The following MSH4 variants were observed in gnomAD, a reference collection of about 807,000 sequenced individuals.
The protein encoded by MSH4 is mutS homolog 4.
Under a neutral mutation model 113.7 loss-of-function variants are expected in MSH4, and 106 were observed. The observed-to-expected ratio is 0.93, with a 90% CI of 0.80 to 1.10. The LOEUF (loss-of-function observed/expected upper bound fraction) is 1.10. Among genes scored for constraint, MSH4 ranks in the 50% least tolerant of loss-of-function variants. The probability of loss-of-function intolerance (pLI) is 0.00; values close to 1 mark genes in which losing one functional copy is unlikely to be tolerated. For missense variants in MSH4, 1,061 were observed against 1,093.7 expected (o/e 0.97, Z 0.42); for synonymous variants, 368 against 380.2 (o/e 0.97, Z 0.37).
rs139042009 is a variant in MSH4, at chr1:75,842,906, C to T, written c.1163-5303C>T. 2.9e-3 allele frequency among the ~76,000 whole-genome samples: 446 copies of T among 151,520 alleles called. 1 individual carries two copies. The highest frequency in any genetic ancestry group is 0.01 in the African/African-American group (427 of 41,286). On this transcript the variant is annotated intron_variant, in intron 7 of 19. Coordinates refer to ENST00000263187, the MANE Select transcript of MSH4 (RefSeq NM_002440.4). ...TTAGTCAGGCTCGTCCACAGTTATC[C>T]GGAGGCCTAACAGTCTCACTGTGAT...
chr1:75,910,730 T>G (rs1652771195), intron 19 of MSH4, among the ~76,000 whole-genome samples: 1 of 152,130 alleles, frequency 6.6e-6, no homozygotes, highest in Non-Finnish European at 1.5e-5. Flanking sequence ...TATATTTTTC[T>G]CCATATTTCT....
rs1651278287 is a variant in MSH4, at chr1:75,854,702, T to C, written c.1230+6426T>C. Among the ~76,000 whole-genome samples the C allele has an allele frequency of 2.0e-5, 3 of 152,188 alleles. No individual in the cohort carries two copies. In the South Asian group the frequency reaches 6.2e-4, roughly 32 times the overall value. ...TATTAAAATGATTTTTCAGTATATA[T>C]GGAGGGTTCTTCACTTTATTTTTGA... is the stretch of plus-strand genomic sequence containing the variant. On this transcript the variant is annotated intron_variant, in intron 8 of 19. Coordinates refer to ENST00000263187, the MANE Select transcript of MSH4 (RefSeq NM_002440.4).
chr1:75,798,150 CAG>C (rs1293941704), intron 1 of MSH4, among the ~76,000 whole-genome samples: 2 of 152,132 alleles, frequency 1.3e-5, no homozygotes, highest in Admixed American at 6.5e-5. Flanking sequence ...TTTTTAGAAA[CAG>C]AGTCTCGCTA....
intron 1 of MSH4, among the ~76,000 whole-genome samples, chr1:75,803,245 G>T (rs1414149582): frequency 6.6e-6 from 1 of 152,126 alleles, no homozygotes; most frequent in East Asian, 1.9e-4. Flanking sequence ...GCATATTTTT[G>T]TATATTTATC....
At position 75,899,674 on chromosome 1, in the gene MSH4, G is replaced by T. The variant is rs867886425; in HGVS notation, c.2587G>T (p.Glu863Ter). 6.6e-7 allele frequency: 1 copy of T among 1,508,672 alleles called. No homozygotes were observed. Among genetic ancestry groups the T allele is most frequent in the East Asian group, 2.6e-5 (1 of 38,406 alleles). 93.5% of individuals were successfully genotyped at this position (1,508,672 alleles called of 1,614,324 possible). A position where few individuals can be genotyped will look rare whatever the true frequency, so the allele number is the denominator to read the frequency against. The change falls in exon 19 of 20, where the codon GAA (glutamate) becomes TAA (stop). Residue 863 changes from glutamate (E) to a stop codon, truncating the protein, a stop_gained. Coordinates refer to ENST00000263187, the MANE Select transcript of MSH4 (RefSeq NM_002440.4). LOFTEE classifies it high-confidence loss of function. ...ACCATCAATTGTCTTGGATGCCAAGGAAATCACAACTCAAATTACGAGACA... is the reference window on the plus strand; with the variant it reads ...ACCATCAATTGTCTTGGATGCCAAGTAAATCACAACTCAAATTACGAGACA... ...LPPSIVLDAK[E>*]ITTQITRQIL... is the part of the protein sequence containing the mutation.
At chr1:75,900,775 C>A (rs538952393) in intron 19 of MSH4, among the ~76,000 whole-genome samples, 1 of 151,996 alleles carries the variant, frequency 6.6e-6, no homozygotes, top group African/African-American at 2.4e-5. Context: ...CTTCACTTGC[C>A]TAATTATCTA....
intron 8 of MSH4, among the ~76,000 whole-genome samples, chr1:75,850,912 C>G (rs1404430888): frequency 6.6e-6 from 1 of 152,014 alleles, no homozygotes; most frequent in African/African-American, 2.4e-5. Context: ...ATAAATTGAG[C>G]CTGTTGTCAT....
At chr1:75,904,816 A>G (rs1303709569) in intron 19 of MSH4, among the ~76,000 whole-genome samples, 1 of 152,036 alleles carries the variant, frequency 6.6e-6, no homozygotes, top group Non-Finnish European at 1.5e-5. Context: ...TTCATGCTTC[A>G]ATCTTGGTAA....
intron 8 of MSH4, among the ~76,000 whole-genome samples, chr1:75,860,880 C>T (rs1651441092): frequency 1.3e-5 from 2 of 152,206 alleles, no homozygotes; most frequent in Non-Finnish European, 2.9e-5. Context: ...GCCATTCTCC[C>T]AGTCACTTTC....
At chr1:75,887,014 T>G (rs148222507) in intron 15 of MSH4, among the ~76,000 whole-genome samples, 1 of 151,862 alleles carries the variant, frequency 6.6e-6, no homozygotes, top group East Asian at 1.9e-4. Flanking sequence ...TTCTATAAAA[T>G]GAGGAAAGTC....
intron 1 of MSH4, among the ~76,000 whole-genome samples, chr1:75,797,709 A>G (rs765310274): frequency 6.6e-6 from 1 of 152,210 alleles, no homozygotes; most frequent in Non-Finnish European, 1.5e-5. Flanking sequence ...GGGTGGGCGG[A>G]TCACTTGAGG....
At chr1:75,813,804 A>G (rs906530594) in intron 4 of MSH4, among the ~76,000 whole-genome samples, 4 of 152,108 alleles carry the variant, frequency 2.6e-5, no homozygotes, top group Non-Finnish European at 2.9e-5. Flanking sequence ...TGAGCCCAGT[A>G]GTTCAAATCT....
At chr1:75,895,240 GA>G (rs1374827396) in intron 17 of MSH4, among the ~76,000 whole-genome samples, 1 of 152,062 alleles carries the variant, frequency 6.6e-6, no homozygotes, top group Non-Finnish European at 1.5e-5. Flanking sequence ...AGGGAAATTG[GA>G]CTACTACTCC....
intron 8 of MSH4, among the ~76,000 whole-genome samples, chr1:75,863,906 A>G (rs1651512141): frequency 6.6e-6 from 1 of 152,230 alleles, no homozygotes; most frequent in Non-Finnish European, 1.5e-5. Flanking sequence ...GTAATGTTAC[A>G]TTGATTTATC....
intron 1 of MSH4, among the ~76,000 whole-genome samples, chr1:75,799,082 A>G (rs1227089100): frequency 6.6e-6 from 1 of 152,164 alleles, no homozygotes; most frequent in African/African-American, 2.4e-5. Flanking sequence ...TTCTAACAAA[A>G]CTGAGCTACT....
At chr1:75,891,598 C>T (rs144977569) in intron 17 of MSH4, among the ~76,000 whole-genome samples, 1,626 of 152,112 alleles carry the variant, frequency 0.011, 11 homozygotes, top group Non-Finnish European at 0.016. Context: ...GGACTGCAGG[C>T]ATGCACCATC....
chr1:75,797,232 A>G lies in MSH4; in HGVS notation c.244+3A>G. 6.2e-7 allele frequency: 1 copy of G among 1,602,636 alleles called. No individual in the cohort carries two copies. On this transcript the variant is annotated splice_donor_region_variant and intron_variant, in intron 1 of 19. Coordinates refer to ENST00000263187, the MANE Select transcript of MSH4 (RefSeq NM_002440.4). Reference sequence around the variant, plus strand: ...GCCAAACTCCCGGCCAGCTCAAGGCAAGGAGTGATTGGGTGGAGGAGTCTC... The same window carrying G: ...GCCAAACTCCCGGCCAGCTCAAGGCGAGGAGTGATTGGGTGGAGGAGTCTC...
intron 1 of MSH4, among the ~76,000 whole-genome samples, chr1:75,799,740 T>G (rs1219078799): frequency 6.6e-6 from 1 of 152,160 alleles, no homozygotes; most frequent in Non-Finnish European, 1.5e-5. Flanking sequence ...GGAGACAAAT[T>G]TAACCCAGAG....
intron 2 of MSH4, 98 bp downstream of exon 2, chr1:75,804,011 A>G (rs1650001518): frequency 1.3e-6 from 1 of 774,432 alleles, no homozygotes; most frequent in Non-Finnish European, 1.8e-6. Context: ...ATTTATCTAT[A>G]ACTGATATGA....
Sources: allele counts gnomAD v4.1 joint callset (sites outside exome capture counted in the v4.1 genomes callset), GRCh38; gene constraint gnomAD v4.1.1; transcripts MANE v1.5; gene names NCBI Gene and HGNC (gene_info 2026-07-23, HGNC 2026-07-21).